CSMD3: variants seen among roughly 807,000 people sequenced by gnomAD.
CSMD3 encodes the protein CUB and Sushi multiple domains 3.
In CSMD3, 177 loss-of-function variants were observed where a neutral mutation model predicts 435.2. That is an observed-to-expected ratio of 0.41 (90% CI 0.36 to 0.46). The LOEUF (loss-of-function observed/expected upper bound fraction) is 0.46, where lower values mean the gene tolerates loss of function less well. Among genes scored for constraint, CSMD3 ranks in the 20% least tolerant of loss-of-function variants. The pLI, the probability that CSMD3 is intolerant of heterozygous loss-of-function variation, is 0.34. For missense variants in CSMD3, 4,265 were observed against 4,504.6 expected (o/e 0.95, Z 1.52); for synonymous variants, 1,656 against 1,520.5 (o/e 1.09, Z -2.07).
intron 67 of CSMD3, among the ~76,000 whole-genome samples, chr8:112,234,701 G>A (rs1813411414): frequency 6.6e-6 from 1 of 151,982 alleles, no homozygotes; most frequent in Non-Finnish European, 1.5e-5. Flanking sequence ...CTTAGTTGTG[G>A]GGTTTAAATT....
chr8:112,840,658 C>G lies in CSMD3; in HGVS notation c.1756-10869G>C, dbSNP rs115020084. 3.1e-3 allele frequency among the ~76,000 whole-genome samples: 469 copies of G among 151,612 alleles called. 1 individual carries two copies. The highest frequency in any genetic ancestry group is 0.01 in the African/African-American group (433 of 41,436). On this transcript the variant is annotated intron_variant, in intron 11 of 70. Transcript: ENST00000297405. ...CAAAATATCTGTATTTCACTGCAAC[C>G]TTGTATAATTCTGAACCCCAGAAAC...
intron 31 of CSMD3, among the ~76,000 whole-genome samples, chr8:112,477,440 G>GC (rs1222694283): frequency 6.6e-6 from 1 of 152,052 alleles, no homozygotes; most frequent in Non-Finnish European, 1.5e-5. Flanking sequence ...TTGGTGCCAT[G>GC]CCCCCCTCAA....
chr8:112,525,796 G>GTA (rs563394357), intron 27 of CSMD3, among the ~76,000 whole-genome samples: 161 of 116,098 alleles, frequency 1.4e-3, no homozygotes, highest in South Asian at 5.6e-3. Context: ...ATATATATAT[G>GTA]TATATATATA....
At chr8:112,713,328 G>C (rs1355526145) in intron 13 of CSMD3, among the ~76,000 whole-genome samples, 1 of 151,504 alleles carries the variant, frequency 6.6e-6, no homozygotes, top group Non-Finnish European at 1.5e-5. Context: ...AGACCATCTT[G>C]CTGAAATAAG....
intron 3 of CSMD3, among the ~76,000 whole-genome samples, chr8:113,228,759 C>T (rs2093054387): frequency 6.6e-6 from 1 of 151,570 alleles, no homozygotes; most frequent in South Asian, 2.1e-4. Flanking sequence ...GTATTTCATA[C>T]TTAATGATAT....
intron 27 of CSMD3, chr8:112,538,923 A>G: frequency 6.6e-6 from 1 of 152,464 alleles, no homozygotes; most frequent in Non-Finnish European, 1.5e-5. Context: ...ACCTCACTGG[A>G]GTCAATTAAC....
rs753457700 is a variant in CSMD3 at position 112,492,672 on chromosome 8, C to T, written c.5095G>A (p.Glu1699Lys). The T allele has an allele frequency of 6.2e-7, 1 of 1,613,608 alleles. No homozygotes were observed. The highest frequency in any genetic ancestry group is 2.2e-5 in the East Asian group (1 of 44,864). ...ATATTGCCTGGATCAAAGCAGGACT[C>T]TCGCAGTTTTGCTGTAAAACAGTGT... ...FHLEYKAKLR[E>K]SCFDPGNIMN... The change falls in exon 31 of 71, where the codon GAG becomes AAG. Residue 1699 changes from glutamate (E) to lysine (K), a missense_variant. Glu to Lys is a moderately conservative substitution (Grantham distance 56). Coordinates refer to ENST00000297405, the MANE Select transcript of CSMD3 (RefSeq NM_198123.2).
At chr8:112,403,781 G>T (rs966412558) in intron 35 of CSMD3, among the ~76,000 whole-genome samples, 12 of 151,986 alleles carry the variant, frequency 7.9e-5, no homozygotes, top group African/African-American at 2.7e-4. Flanking sequence ...GGTGGGGTGA[G>T]GGAGAGAATA....
At chr8:112,504,189 T>A (rs1019498777) in intron 29 of CSMD3, among the ~76,000 whole-genome samples, 1 of 152,064 alleles carries the variant, frequency 6.6e-6, no homozygotes, top group African/African-American at 2.4e-5. Flanking sequence ...AAAAACTTGA[T>A]ATTTTTACAT....
chr8:112,230,970 A>C (rs1282613337), intron 69 of CSMD3, among the ~76,000 whole-genome samples: 1 of 152,254 alleles, frequency 6.6e-6, no homozygotes, highest in Non-Finnish European at 1.5e-5. Flanking sequence ...GTATAAACAC[A>C]TTCTTGCCAG....
intron 32 of CSMD3, among the ~76,000 whole-genome samples, chr8:112,450,677 A>C (rs1319602781): frequency 6.6e-6 from 1 of 152,104 alleles, no homozygotes; most frequent in Non-Finnish European, 1.5e-5. Context: ...TTTTTCTCAA[A>C]AATTTAATTG....
At chr8:112,527,989 A>G (rs868206696) in intron 27 of CSMD3, among the ~76,000 whole-genome samples, 1 of 152,170 alleles carries the variant, frequency 6.6e-6, no homozygotes, top group Non-Finnish European at 1.5e-5. Context: ...TGAAATTCGT[A>G]TAGTATTCAT....
intron 5 of CSMD3, among the ~76,000 whole-genome samples, chr8:113,033,975 A>G (rs1031831858): frequency 6.6e-6 from 1 of 151,382 alleles, no homozygotes; most frequent in Non-Finnish European, 1.5e-5. Flanking sequence ...TACTCTCTCT[A>G]TCTCCTGCCA....
At chr8:113,228,007 T>TTTTTTAAA (rs2093046699) in intron 3 of CSMD3, among the ~76,000 whole-genome samples, 1 of 151,590 alleles carries the variant, frequency 6.6e-6, no homozygotes, top group Non-Finnish European at 1.5e-5. Context: ...CTTAGGTCAT[T>TTTTTTAAA]TTTTTAAATT....
At chr8:112,641,783 G>A (rs759408110) in intron 20 of CSMD3, among the ~76,000 whole-genome samples, 1 of 152,076 alleles carries the variant, frequency 6.6e-6, no homozygotes, top group Non-Finnish European at 1.5e-5. Flanking sequence ...AGGATGCAGT[G>A]AGCCAGGATC....
intron 11 of CSMD3, among the ~76,000 whole-genome samples, chr8:112,842,212 A>T (rs2080197666): frequency 6.6e-6 from 1 of 151,826 alleles, no homozygotes; most frequent in Non-Finnish European, 1.5e-5. Context: ...TGTCATTAAG[A>T]TAACCTTCCA....
intron 13 of CSMD3, among the ~76,000 whole-genome samples, chr8:112,767,185 G>C (rs923134335): frequency 6.6e-6 from 1 of 151,850 alleles, no homozygotes; most frequent in Non-Finnish European, 1.5e-5. Flanking sequence ...GAAAAGGAAA[G>C]TAGAGAAGCA....
At chr8:113,262,751 A>G (rs921027806) in intron 3 of CSMD3, among the ~76,000 whole-genome samples, 7 of 152,054 alleles carry the variant, frequency 4.6e-5, no homozygotes, top group African/African-American at 1.7e-4. Flanking sequence ...CATCAATAAT[A>G]CAATTGCAAG....
At position 113,225,010 on chromosome 8, in the gene CSMD3, CTCTTAA is replaced by C. The variant is rs571291969; in HGVS notation, c.515-51100_515-51095del. Among the ~76,000 whole-genome samples, 10 of 151,440 alleles carry C rather than the reference CTCTTAA, an allele frequency of 6.6e-5. No homozygotes were observed. In the East Asian group the frequency reaches 1.4e-3, roughly 21 times the overall value. ...TAAATATATGTATTACTGTTTTCTT[CTCTTAA>C]TCTTAATATGAATCTGATCATTTTG... On this transcript the variant is annotated intron_variant, in intron 3 of 70. Coordinates refer to ENST00000297405, the MANE Select transcript of CSMD3 (RefSeq NM_198123.2).
Sources: gnomAD v4.1 joint callset for allele counts (sites outside exome capture counted in the v4.1 genomes callset) on GRCh38, gnomAD v4.1.1 for gene constraint, MANE v1.5 for transcripts, NCBI Gene and HGNC (gene_info 2026-07-23, HGNC 2026-07-21) for gene names.